The following OR10V1 variants were observed in gnomAD, a reference collection of about 807,000 sequenced individuals.
OR10V1 encodes the protein olfactory receptor 10V1.
For synonymous variants in OR10V1, 139 were observed against 148.2 expected, an observed-to-expected ratio of 0.94 and a Z score of 0.45; for missense variants, 391 against 378.8, an observed-to-expected ratio of 1.03 and a Z score of -0.27.
At position 59,712,985 on chromosome 11, in the gene OR10V1, G is replaced by A; in HGVS notation, c.861C>T (p.Asn287=). Residue 287 remains asparagine, a synonymous_variant, in exon 1 of 1, where the codon AAC becomes AAT. Transcript: ENST00000307552. The part of the protein sequence containing the change: ...VAYTFITPIL[N]PLIYSLRNKE... ...TGTTCCTCAAACTATAGATCAAGGG[G>A]TTTAAAATGGGAGTGATAAATGTGT... 5 of 1,614,138 alleles carry A rather than the reference G, an allele frequency of 3.1e-6. No individual in the cohort carries two copies. The highest frequency in any genetic ancestry group is 4.2e-6 in the Non-Finnish European group (5 of 1,179,994).
rs781372682 is a variant in OR10V1 at position 59,713,614 on chromosome 11, T to A, written c.232A>T (p.Thr78Ser). 1 of 1,613,636 alleles carries A rather than the reference T, an allele frequency of 6.2e-7. No homozygotes were observed. The highest frequency in any genetic ancestry group is 1.1e-5 in the South Asian group (1 of 91,032). The change falls in exon 1 of 1, where the codon ACC becomes TCC. Residue 78 changes from threonine to serine, a missense_variant. Coordinates refer to ENST00000307552, the MANE Select transcript of OR10V1 (RefSeq NM_001005324.1). ...AGGAGGTTTGCCAAGGCCAATGGGG[T>A]GATGGAAGATGTATAGAAGATTTCT... ...VLEIFYTSSITPLALANLLSM... is the reference protein window; with the variant it reads ...VLEIFYTSSISPLALANLLSM...
chr11:59,713,292 A>G lies in OR10V1; in HGVS notation c.554T>C (p.Val185Ala). 1 of 1,614,164 alleles carries G rather than the reference A, an allele frequency of 6.2e-7. No homozygotes were observed. The highest frequency in any genetic ancestry group is 8.5e-7 in the Non-Finnish European group (1 of 1,180,024). Residue 185 changes from valine (V) to alanine (A), a missense_variant, in exon 1 of 1, where the codon GTC becomes GCC. Coordinates refer to ENST00000307552, the MANE Select transcript of OR10V1 (RefSeq NM_001005324.1). ...TGTGTCTGCACAAGCCAGGCGCATG[A>G]CTGCAGGCATGTCACAGTAGAAGTG... ...IYHFYCDMPA[V>A]MRLACADTRV...
rs1239294973 is a variant in OR10V1, at chr11:59,713,386, A to T, written c.460T>A (p.Phe154Ile). 19 of 1,613,412 alleles carry T rather than the reference A, an allele frequency of 1.2e-5. No homozygotes were observed. Among genetic ancestry groups the T allele is most frequent in the Non-Finnish European group, 1.5e-5 (18 of 1,179,946 alleles). ...ATGGTGAGTGGCAGTGACAACAGGA[A>T]CCCCAGCACCAAGGAGCCTACCAGC... ...ELLVGSLVLGFLLSLPLTILI... is the reference protein window; with the variant it reads ...ELLVGSLVLGILLSLPLTILI... The change falls in exon 1 of 1, where the codon TTC becomes ATC. Residue 154 changes from phenylalanine (F) to isoleucine (I), a missense_variant. Phe to Ile is a conservative substitution (Grantham distance 21). Transcript: ENST00000307552.
At position 59,713,065 on chromosome 11, in the gene OR10V1, A is replaced by C. The variant is rs1236927030; in HGVS notation, c.781T>G (p.Leu261Val). 1 of 1,614,184 alleles carries C rather than the reference A, an allele frequency of 6.2e-7. No individual in the cohort carries two copies. The highest frequency in any genetic ancestry group is 2.2e-5 in the East Asian group (1 of 44,874). Reference sequence around the variant, plus strand: ...GGAGAGTAGCTGGAACTGGGGGACAAGTATATAAAGCTGGTGCAGCCATAC... The same window carrying C: ...GGAGAGTAGCTGGAACTGGGGGACACGTATATAAAGCTGGTGCAGCCATAC... The part of the protein sequence containing the change: ...LQYGCTSFIY[L>V]SPSSSYSPEM... Residue 261 changes from leucine to valine, a missense_variant, in exon 1 of 1, where the codon TTG becomes GTG. Coordinates refer to ENST00000307552, the MANE Select transcript of OR10V1 (RefSeq NM_001005324.1).
In OR10V1 at chr11:59,713,643, A is replaced by T. The variant is rs1444183610; in HGVS notation, c.203T>A (p.Val68Asp). The T allele has an allele frequency of 1.2e-6, 2 of 1,614,024 alleles. No individual in the cohort carries two copies. The highest frequency in any genetic ancestry group is 2.7e-5 in the African/African-American group (2 of 74,928). Residue 68 changes from valine to aspartate, a missense_variant, in exon 1 of 1, where the codon GTT becomes GAT. Coordinates refer to ENST00000307552, the MANE Select transcript of OR10V1 (RefSeq NM_001005324.1). Reference protein sequence around the residue: ...PMYFFLANLAVLEIFYTSSIT... With the variant: ...PMYFFLANLADLEIFYTSSIT... Reference sequence around the variant, plus strand: ...GGAAGATGTATAGAAGATTTCTAGAACTGCCAGATTAGCCAGGAAAAAGTA... The same window carrying T: ...GGAAGATGTATAGAAGATTTCTAGATCTGCCAGATTAGCCAGGAAAAAGTA...
Position 59,712,950 on chromosome 11 carries a change from TTCAGTTCCTTGTTCC to T in OR10V1, c.881_895del (p.Arg294_Leu298del). On this transcript the variant is annotated inframe_deletion, in exon 1 of 1. Coordinates refer to ENST00000307552, the MANE Select transcript of OR10V1 (RefSeq NM_001005324.1). ...TCTCAATGCTTTCCTTAGGGCATCT[TTCAGTTCCTTGTTCC>T]TCAAACTATAGATCAAGGGGTTTAA... is the stretch of plus-strand genomic sequence containing the variant. 6.2e-7 allele frequency: 1 copy of T among 1,613,850 alleles called. No homozygotes were observed. Among genetic ancestry groups the T allele is most frequent in the Non-Finnish European group, 8.5e-7 (1 of 1,179,848 alleles).
chr11:59,713,473 T>C lies in OR10V1; in HGVS notation c.373A>G (p.Ile125Val), dbSNP rs200436988. ...LLVVMAYDQF[I>V]AICHPLRYRL... ...TATCGCAGAGGGTGACAGATCGCTA[T>C]AAACTGGTCATAAGCCATGACTACC... The change falls in exon 1 of 1, where the codon ATA (isoleucine) becomes GTA (valine). Residue 125 changes from isoleucine (I) to valine (V), a missense_variant. By Grantham distance (29) the Ile-to-Val change is conservative. Transcript: ENST00000307552. 114 of 1,613,610 alleles carry C rather than the reference T, an allele frequency of 7.1e-5. 1 individual carries two copies. The highest frequency in any genetic ancestry group is 6.1e-4 in the African/African-American group (46 of 75,024).
rs141649641 is a variant in OR10V1, at chr11:59,713,286, C to T, written c.560G>A (p.Arg187His). 5,399 of 1,614,082 alleles carry T rather than the reference C, an allele frequency of 3.3e-3. 24 individuals carry two copies. The highest frequency in any genetic ancestry group is 4.1e-3 in the Non-Finnish European group (4,810 of 1,180,004). ...HFYCDMPAVM[R>H]LACADTRVHK... ...AACGCGTGTGTCTGCACAAGCCAGG[C>T]GCATGACTGCAGGCATGTCACAGTA... Residue 187 changes from arginine to histidine, a missense_variant, in exon 1 of 1, where the codon CGC becomes CAC. Arg to His is a conservative substitution (Grantham distance 29, BLOSUM62 0). Transcript: ENST00000307552.
rs1486490152 is a variant in OR10V1 at position 59,713,695 on chromosome 11, T to C, written c.151A>G (p.Ile51Val). The C allele has an allele frequency of 1.2e-6, 2 of 1,614,112 alleles. No homozygotes were observed. Among genetic ancestry groups the C allele is most frequent in the South Asian group, 2.2e-5 (2 of 91,068 alleles). ...ATGGGGGTGTGGAGGGAATGATTGA[T>C]CTGAACAATGACTGCAATTGTAGCA... ...GNATIAVIVQ[I>V]NHSLHTPMYF... Residue 51 changes from isoleucine to valine, a missense_variant, in exon 1 of 1, where the codon ATC (isoleucine) becomes GTC (valine). By Grantham distance (29) the Ile-to-Val change is conservative. Transcript: ENST00000307552.
rs897263327 is a variant in OR10V1, at chr11:59,713,583, A to T, written c.263T>A (p.Met88Lys). ...CGTGATGGAAACAGGAGTTTTGCCC[A>T]TTGAAAGGAGGTTTGCCAAGGCCAA... ...TPLALANLLS[M>K]GKTPVSITGC... is the part of the protein sequence containing the mutation. The change falls in exon 1 of 1, where the codon ATG (methionine) becomes AAG (lysine). Residue 88 changes from methionine to lysine, a missense_variant. By Grantham distance (95) the Met-to-Lys change is moderately conservative (BLOSUM62 -1). Coordinates refer to ENST00000307552, the MANE Select transcript of OR10V1 (RefSeq NM_001005324.1). 6.2e-7 allele frequency: 1 copy of T among 1,614,204 alleles called. No individual in the cohort carries two copies. The highest frequency in any genetic ancestry group is 8.5e-7 in the Non-Finnish European group (1 of 1,180,036).
rs1862203558 is a variant in OR10V1, at chr11:59,713,517, C to T, written c.329G>A (p.Gly110Glu). The T allele has an allele frequency of 6.2e-7, 1 of 1,614,004 alleles. No individual in the cohort carries two copies. Among genetic ancestry groups the T allele is most frequent in the Non-Finnish European group, 8.5e-7 (1 of 1,179,986 alleles). Residue 110 changes from glycine (G) to glutamate (E), a missense_variant, in exon 1 of 1, where the codon GGG becomes GAG. Physicochemically the swap from Gly to Glu is moderately conservative, Grantham distance 98. Coordinates refer to ENST00000307552, the MANE Select transcript of OR10V1 (RefSeq NM_001005324.1). The part of the protein sequence containing the change: ...TQMFFFVFLG[G>E]ADCVLLVVMA... The stretch of plus-strand genomic sequence containing the variant: ...GACTACCAGCAGGACACAATCAGCC[C>T]CACCCAAGAAGACAAAGAAAAACAT...
chr11:59,713,701 C>T lies in OR10V1; in HGVS notation c.145G>A (p.Val49Ile), dbSNP rs1405042053. The change falls in exon 1 of 1, where the codon GTT (valine) becomes ATT (isoleucine). Residue 49 changes from valine (V) to isoleucine (I), a missense_variant. Val to Ile is a conservative substitution (Grantham distance 29). Coordinates refer to ENST00000307552, the MANE Select transcript of OR10V1 (RefSeq NM_001005324.1). ...LGGNATIAVIVQINHSLHTPM... is the reference protein window; with the variant it reads ...LGGNATIAVIIQINHSLHTPM... ...GTGTGGAGGGAATGATTGATCTGAA[C>T]AATGACTGCAATTGTAGCATTTCCA... 6.2e-7 allele frequency: 1 copy of T among 1,613,992 alleles called. No homozygotes were observed. Among genetic ancestry groups the T allele is most frequent in the East Asian group, 2.2e-5 (1 of 44,882 alleles).
chr11:59,713,531 A>G lies in OR10V1; in HGVS notation c.315T>C (p.Phe105=), dbSNP rs201852415. 17 of 1,614,010 alleles carry G rather than the reference A, an allele frequency of 1.1e-5. No homozygotes were observed. In the Middle Eastern group the frequency reaches 8.2e-4, roughly 78 times the overall value. Residue 105 remains phenylalanine (F), a synonymous_variant, in exon 1 of 1, where the codon TTT becomes TTC. Transcript: ENST00000307552. ...CACAATCAGCCCCACCCAAGAAGAC[A>G]AAGAAAAACATCTGGGTGCCACATC... ...ITGCGTQMFF[F]VFLGGADCVL...
In OR10V1 at chr11:59,713,283, A is replaced by T; in HGVS notation, c.563T>A (p.Leu188Gln). The T allele has an allele frequency of 1.2e-6, 2 of 1,614,212 alleles. No individual in the cohort carries two copies. Among genetic ancestry groups the T allele is most frequent in the Non-Finnish European group, 1.7e-6 (2 of 1,180,020 alleles). ...FYCDMPAVMR[L>Q]ACADTRVHKT... ...GTGAACGCGTGTGTCTGCACAAGCC[A>T]GGCGCATGACTGCAGGCATGTCACA... The change falls in exon 1 of 1, where the codon CTG becomes CAG. Residue 188 changes from leucine to glutamine, a missense_variant. Leu to Gln is a moderately radical substitution (Grantham distance 113, BLOSUM62 -2). Coordinates refer to ENST00000307552, the MANE Select transcript of OR10V1 (RefSeq NM_001005324.1).
chr11:59,713,170 T>C lies in OR10V1; in HGVS notation c.676A>G (p.Ile226Val). ...CCTTCTGCTGACCGGATCCGTAAAATGGCTACCACGATGAAGACATAGGAG... is the reference window on the plus strand; with the variant it reads ...CCTTCTGCTGACCGGATCCGTAAAACGGCTACCACGATGAAGACATAGGAG... ...SISYVFIVVA[I>V]LRIRSAEGRQ... Residue 226 changes from isoleucine (I) to valine (V), a missense_variant, in exon 1 of 1, where the codon ATT becomes GTT. Transcript: ENST00000307552. 6.2e-7 allele frequency: 1 copy of C among 1,613,934 alleles called. No homozygotes were observed. Among genetic ancestry groups the C allele is most frequent in the Non-Finnish European group, 8.5e-7 (1 of 1,179,982 alleles).
chr11:59,712,963 T>G lies in OR10V1; in HGVS notation c.883A>C (p.Asn295His). 1 of 1,614,102 alleles carries G rather than the reference T, an allele frequency of 6.2e-7. No homozygotes were observed. Among genetic ancestry groups the G allele is most frequent in the African/African-American group, 1.3e-5 (1 of 75,046 alleles). Residue 295 changes from asparagine (N) to histidine (H), a missense_variant, in exon 1 of 1, where the codon AAC (asparagine) becomes CAC (histidine). Coordinates refer to ENST00000307552, the MANE Select transcript of OR10V1 (RefSeq NM_001005324.1). ...CTTAGGGCATCTTTCAGTTCCTTGT[T>G]CCTCAAACTATAGATCAAGGGGTTT... ...ILNPLIYSLR[N>H]KELKDALRKA...
rs542215718 is a variant in OR10V1, at chr11:59,713,459, G to A, written c.387C>T (p.His129=). ...TCATGATGAGCCTGTATCGCAGAGG[G>A]TGACAGATCGCTATAAACTGGTCAT... is the stretch of plus-strand genomic sequence containing the variant. The part of the protein sequence containing the change: ...MAYDQFIAIC[H]PLRYRLIMSW... The change falls in exon 1 of 1, where the codon CAC becomes CAT. Residue 129 remains histidine (H), a synonymous_variant. Coordinates refer to ENST00000307552, the MANE Select transcript of OR10V1 (RefSeq NM_001005324.1). The A allele has an allele frequency of 6.2e-6, 10 of 1,613,504 alleles. No individual in the cohort carries two copies. In the East Asian group the frequency reaches 1.8e-4, roughly 29 times the overall value.
rs765963604 is a variant in OR10V1 at position 59,713,377 on chromosome 11, A to T, written c.469T>A (p.Ser157Thr). ...VGSLVLGFLLSLPLTILIFHL... is the reference protein window; with the variant it reads ...VGSLVLGFLLTLPLTILIFHL... ...AAGATTAAAATGGTGAGTGGCAGTG[A>T]CAACAGGAACCCCAGCACCAAGGAG... Residue 157 changes from serine to threonine, a missense_variant, in exon 1 of 1, where the codon TCA (serine) becomes ACA (threonine). Transcript: ENST00000307552. 5 of 1,613,798 alleles carry T rather than the reference A, an allele frequency of 3.1e-6. No individual in the cohort carries two copies. The Admixed American group carries it at 8.3e-5, about 27-fold the overall frequency.
In OR10V1 at chr11:59,713,259, T is replaced by C. The variant is rs137925945; in HGVS notation, c.587A>G (p.His196Arg). Residue 196 changes from histidine to arginine, a missense_variant, in exon 1 of 1, where the codon CAC (histidine) becomes CGC (arginine). Physicochemically the swap from His to Arg is conservative, Grantham distance 29 (BLOSUM62 0). Coordinates refer to ENST00000307552, the MANE Select transcript of OR10V1 (RefSeq NM_001005324.1). ...GCTGATGATATACAGAGCAGTCTTG[T>C]GAACGCGTGTGTCTGCACAAGCCAG... ...MRLACADTRV[H>R]KTALYIISFI... 99 of 1,614,150 alleles carry C rather than the reference T, an allele frequency of 6.1e-5. No individual in the cohort carries two copies. The African/African-American group carries it at 1.2e-3, about 19-fold the overall frequency.
Sources: allele counts gnomAD v4.1 joint callset, GRCh38; gene constraint gnomAD v4.1.1; transcripts MANE v1.5; gene names NCBI Gene and HGNC (gene_info 2026-07-23, HGNC 2026-07-21).